Variants in MCF2L observed in about 807,000 individuals in gnomAD.
MCF2L encodes the protein MCF.2 cell line derived transforming sequence like.
A neutral mutation model predicts 153.4 loss-of-function variants in MCF2L; 97 were observed. The ratio of observed to expected loss-of-function variants is 0.63; its 90% CI spans 0.54 to 0.75. The LOEUF is 0.75. MCF2L is among the 30% of genes least tolerant of loss of function. The pLI is 0.00. For missense variants in MCF2L, 1,347 were observed against 1,495.2 expected, an observed-to-expected ratio of 0.90 and a Z score of 1.64; for synonymous variants, 659 against 632.2, an observed-to-expected ratio of 1.04 and a Z score of -0.64.
chr13:113,086,369 G>A (rs2034639045), intron 21 of MCF2L, 120 bp downstream of exon 21: 13 of 1,434,568 alleles, frequency 9.1e-6, no homozygotes, highest in Non-Finnish European at 1.2e-5. Context: ...TTCTGGGCAG[G>A]AGGTCTGGGG....
In MCF2L at chr13:113,077,093, G is replaced by T; in HGVS notation, c.1542G>T (p.Glu514Asp). The change falls in exon 13 of 30, where the codon GAG (glutamate) becomes GAT (aspartate). Residue 514 changes from glutamate (E) to aspartate (D), a missense_variant. By Grantham distance (45) the Glu-to-Asp change is conservative. Around this residue, in one of 3 missense-constraint regions of MCF2L, gnomAD observed 820 missense variants for 921.2 expected, o/e 0.89. Transcript: ENST00000535094. Reference protein sequence around the residue: ...RKVFQKQASMEEVFHRRQASL... With the variant: ...RKVFQKQASMDEVFHRRQASL... ...TCTTCCAGAAGCAGGCAAGCATGGA[G>T]GAGGTGTTCCACCGCAGGCAGGCCA... The T allele has an allele frequency of 6.2e-7, 1 of 1,612,980 alleles. No individual in the cohort carries two copies. The highest frequency in any genetic ancestry group is 8.5e-7 in the Non-Finnish European group (1 of 1,179,818).
At chr13:112,931,728 G>A (rs1348696264) in intron 2 of MCF2L, among the ~76,000 whole-genome samples, 1 of 152,142 alleles carries the variant, frequency 6.6e-6, no homozygotes, top group East Asian at 1.9e-4. Context: ...ATGGAGGCAG[G>A]AAGTATGCAA....
chr13:112,956,107 C>T (rs911737929), intron 2 of MCF2L: 16 of 152,236 alleles, frequency 1.1e-4, no homozygotes, highest in Admixed American at 1.0e-3. Context: ...GGCTGTTCCT[C>T]GAGAGCCGTG....
chr13:113,087,887 GCAT>G, intron 23 of MCF2L, 88 bp downstream of exon 23: 4 of 1,173,956 alleles, frequency 3.4e-6, no homozygotes, highest in Non-Finnish European at 5.0e-6. Flanking sequence ...CCATGAAGTT[GCAT>G]CGAGCCCAGG....
intron 27 of MCF2L, chr13:113,095,688 G>A (rs1215678602): frequency 1.8e-5 from 18 of 991,220 alleles, no homozygotes; most frequent in Admixed American, 5.8e-5. Context: ...CCCAGTCACC[G>A]TCCTCCTGCT....
intron 1 of MCF2L, among the ~76,000 whole-genome samples, chr13:112,978,161 G>A (rs1262073888): frequency 6.6e-6 from 1 of 152,218 alleles, no homozygotes; most frequent in Non-Finnish European, 1.5e-5. Context: ...TTTCATGTGA[G>A]TCAGGTTAGG....
At chr13:113,030,987 A>G (rs1008217334) in intron 3 of MCF2L, among the ~76,000 whole-genome samples, 9 of 152,198 alleles carry the variant, frequency 5.9e-5, no homozygotes, top group Non-Finnish European at 1.5e-5. Flanking sequence ...GAGGGCGTAC[A>G]GGGCAGCAGG....
At chr13:113,017,680 T>C (rs924230523) in intron 2 of MCF2L, among the ~76,000 whole-genome samples, 3 of 151,976 alleles carry the variant, frequency 2.0e-5, no homozygotes, top group Non-Finnish European at 4.4e-5. Context: ...GGACTCGCTC[T>C]CCCTGTCTCG....
chr13:113,097,302 T>C lies in MCF2L; in HGVS notation c.*443T>C, dbSNP rs2035744016. On this transcript the variant is annotated 3_prime_UTR_variant, in exon 30 of 30. Transcript: ENST00000535094. ...TAGGATTTTTTCAAGCAGGGATCAA[T>C]CCCGTGGCCATTTTTTGTGGTACTT... 1 of 163,050 alleles carries C rather than the reference T, an allele frequency of 6.1e-6. No individual in the cohort carries two copies. Among genetic ancestry groups the C allele is most frequent in the African/African-American group, 2.4e-5 (1 of 41,930 alleles). 10.1% of individuals were successfully genotyped at this position (163,050 alleles called of 1,614,324 possible). A position where few individuals can be genotyped will look rare whatever the true frequency, so the allele number is the denominator to read the frequency against.
intron 4 of MCF2L, among the ~76,000 whole-genome samples, chr13:113,048,183 C>A (rs1419656943): frequency 6.6e-6 from 1 of 152,218 alleles, no homozygotes; most frequent in Non-Finnish European, 1.5e-5. Flanking sequence ...AGTGTGTGAT[C>A]GGATGAATTT....
At chr13:112,944,136 T>A (rs1454593121) in intron 2 of MCF2L, among the ~76,000 whole-genome samples, 1 of 133,842 alleles carries the variant, frequency 7.5e-6, no homozygotes, top group Non-Finnish European at 1.6e-5. Context: ...GAGGGGAAGA[T>A]CCTAGGCCGT....
At chr13:113,002,273 C>T (rs1376930469) in intron 1 of MCF2L, among the ~76,000 whole-genome samples, 3 of 152,242 alleles carry the variant, frequency 2.0e-5, no homozygotes, top group Non-Finnish European at 4.4e-5. Flanking sequence ...CTGCCCTTGG[C>T]CTGTGAGGGA....
At chr13:113,018,879 C>T (rs1362211200) in intron 2 of MCF2L, among the ~76,000 whole-genome samples, 2 of 152,174 alleles carry the variant, frequency 1.3e-5, no homozygotes, top group African/African-American at 4.8e-5. Context: ...TTGGGAATTT[C>T]GTTTTGCTTT....
At chr13:112,938,510 A>G (rs973362582) in intron 2 of MCF2L, among the ~76,000 whole-genome samples, 4 of 152,138 alleles carry the variant, frequency 2.6e-5, no homozygotes, top group African/African-American at 7.2e-5. Context: ...AATTTGTTTC[A>G]TTGTGAAATG....
intron 2 of MCF2L, among the ~76,000 whole-genome samples, chr13:112,938,167 G>A (rs1359490908): frequency 2.0e-4 from 28 of 141,848 alleles, no homozygotes; most frequent in Non-Finnish European, 2.5e-4. Flanking sequence ...AGCGCTGAGG[G>A]GTTGGTTCAG....
In MCF2L at chr13:113,088,535, C is replaced by T. The variant is rs555132574; in HGVS notation, c.2768-27C>T. ...GCGTTGAAGTAAAGACGCTCGTTCACGTGGTTTGTCTGCTCCCTCCTCGCA... is the reference window on the plus strand; with the variant it reads ...GCGTTGAAGTAAAGACGCTCGTTCATGTGGTTTGTCTGCTCCCTCCTCGCA... On this transcript the variant is annotated intron_variant, in intron 24 of 29. Transcript: ENST00000535094. 33 of 1,611,512 alleles carry T rather than the reference C, an allele frequency of 2.0e-5. No homozygotes were observed. The African/African-American group carries it at 3.6e-4, about 18-fold the overall frequency.
At chr13:113,047,509 C>T (rs1258768697) in intron 4 of MCF2L, among the ~76,000 whole-genome samples, 2 of 152,276 alleles carry the variant, frequency 1.3e-5, no homozygotes, top group Admixed American at 1.3e-4. Flanking sequence ...CCACAATGCT[C>T]CCAGCAGGCA....
chr13:112,977,708 G>A (rs1241012787), intron 1 of MCF2L, among the ~76,000 whole-genome samples: 2 of 152,198 alleles, frequency 1.3e-5, no homozygotes, highest in Non-Finnish European at 2.9e-5. Context: ...GAGGTTTGGT[G>A]TTGACCCCAG....
At chr13:112,975,334 G>C (rs2082177529) in intron 1 of MCF2L, among the ~76,000 whole-genome samples, 1 of 152,148 alleles carries the variant, frequency 6.6e-6, no homozygotes, top group Non-Finnish European at 1.5e-5. Flanking sequence ...CCCTATGAAG[G>C]GTTGCATTGA....
Sources: allele counts gnomAD v4.1 joint callset (sites outside exome capture counted in the v4.1 genomes callset), GRCh38; gene constraint gnomAD v4.1.1; regional missense constraint gnomAD v4.1.1; transcripts MANE v1.5; gene names NCBI Gene and HGNC (gene_info 2026-07-23, HGNC 2026-07-21).